PTPRD: variants seen among roughly 807,000 people sequenced by gnomAD.
The protein encoded by PTPRD is receptor-type tyrosine-protein phosphatase delta.
PTPRD carries 34 observed loss-of-function variants against 214.5 expected under a neutral mutation model. The observed-to-expected ratio is 0.16, with a 90% CI of 0.12 to 0.21. The LOEUF (loss-of-function observed/expected upper bound fraction) is 0.21, where lower values mean the gene tolerates loss of function less well. PTPRD is among the 10% of genes least tolerant of loss of function. The probability of loss-of-function intolerance (pLI) is 1.00; values close to 1 mark genes in which losing one functional copy is unlikely to be tolerated. For synonymous variants in PTPRD, 1,128 were observed against 845.7 expected (o/e 1.33, Z -5.79); for missense variants, 2,545 against 2,398.7 (o/e 1.06, Z -1.27).
chr9:9,965,878 C>T (rs1280187542), intron 4 of PTPRD, among the ~76,000 whole-genome samples: 1 of 152,200 alleles, frequency 6.6e-6, no homozygotes, highest in Non-Finnish European at 1.5e-5. Context: ...TTTGTTTATG[C>T]ATATTAGCAT....
At chr9:8,674,011 C>T (rs2097346398) in intron 12 of PTPRD, among the ~76,000 whole-genome samples, 2 of 152,100 alleles carry the variant, frequency 1.3e-5, no homozygotes, top group Admixed American at 1.3e-4. Flanking sequence ...CAGGTGGAGA[C>T]CCACTGCAAT....
At chr9:9,662,839 T>A (rs1367263867) in intron 7 of PTPRD, among the ~76,000 whole-genome samples, 1 of 151,576 alleles carries the variant, frequency 6.6e-6, no homozygotes, top group Non-Finnish European at 1.5e-5. Context: ...TATTCTGCCT[T>A]GTTTTATTGC....
chr9:9,493,216 T>C (rs533599410), intron 8 of PTPRD, among the ~76,000 whole-genome samples: 1 of 152,202 alleles, frequency 6.6e-6, no homozygotes, highest in East Asian at 1.9e-4. Flanking sequence ...CTTAAGGTAC[T>C]CTGCCTGTGC....
intron 2 of PTPRD, among the ~76,000 whole-genome samples, chr9:10,500,729 T>TC (rs1205404937): frequency 6.6e-5 from 10 of 151,710 alleles, no homozygotes; most frequent in African/African-American, 2.4e-4. Flanking sequence ...CTTGTAACAA[T>TC]CCTACTCTCT....
rs548702032 is a variant in PTPRD at position 9,735,541 on chromosome 9, A to T, written c.-325-970T>A. ...ATCTTACTGTCAGAAAATTTAAATT[A>T]GGTTATTTCTGTTGGGCCAGAATAA... On this transcript the variant is annotated intron_variant, in intron 6 of 45. Coordinates refer to ENST00000381196, the MANE Select transcript of PTPRD (RefSeq NM_002839.4). 2.6e-4 allele frequency among the ~76,000 whole-genome samples: 40 copies of T among 152,194 alleles called. 1 individual carries two copies. The East Asian group carries it at 7.7e-3, about 29-fold the overall frequency.
chr9:10,208,822 A>ATTCT (rs1430691086), intron 3 of PTPRD, among the ~76,000 whole-genome samples: 2 of 152,122 alleles, frequency 1.3e-5, no homozygotes, highest in Non-Finnish European at 2.9e-5. Context: ...ATGCTTATTA[A>ATTCT]TTAAGTGTGG....
intron 9 of PTPRD, among the ~76,000 whole-genome samples, chr9:9,278,077 G>A (rs531581096): frequency 1.3e-5 from 2 of 151,272 alleles, no homozygotes; most frequent in East Asian, 2.0e-4. Flanking sequence ...TGCTATTAAA[G>A]GTGGTTGTAT....
At chr9:10,251,201 C>G (rs372887024) in intron 3 of PTPRD, among the ~76,000 whole-genome samples, 41 of 151,944 alleles carry the variant, frequency 2.7e-4, no homozygotes, top group African/African-American at 8.5e-4. Flanking sequence ...TTTGGACAAC[C>G]CTTATGTGAC....
chr9:9,041,983 G>T (rs760893936), intron 10 of PTPRD, among the ~76,000 whole-genome samples: 23 of 152,182 alleles, frequency 1.5e-4, no homozygotes, highest in Non-Finnish European at 2.8e-4. Context: ...TCTTAGAAGG[G>T]TGATGATGTG....
chr9:8,948,458 T>C (rs1158582252), intron 11 of PTPRD, among the ~76,000 whole-genome samples: 1 of 13,808 alleles, frequency 7.2e-5, no homozygotes. Context: ...TATATTTATA[T>C]ATATATTTAC....
At chr9:9,992,811 GA>G (rs1423415455) in intron 4 of PTPRD, among the ~76,000 whole-genome samples, 1 of 151,874 alleles carries the variant, frequency 6.6e-6, no homozygotes. Context: ...GGGATGGGGA[GA>G]GGGGGGAGGG....
intron 4 of PTPRD, among the ~76,000 whole-genome samples, chr9:9,989,936 G>C (rs1322347004): frequency 6.6e-6 from 1 of 152,186 alleles, no homozygotes; most frequent in African/African-American, 2.4e-5. Flanking sequence ...TGTGGGCTGA[G>C]AAAGCAAGCC....
rs562651877 is a variant in PTPRD, at chr9:9,691,081, A to G, written c.-287+43452T>C. Among the ~76,000 whole-genome samples the G allele has an allele frequency of 1.1e-4, 17 of 152,064 alleles. No individual in the cohort carries two copies. In the South Asian group the frequency reaches 3.3e-3, roughly 30 times the overall value. On this transcript the variant is annotated intron_variant, in intron 7 of 45. Coordinates refer to ENST00000381196, the MANE Select transcript of PTPRD (RefSeq NM_002839.4). ...CGAGATATTTTGGTACAGGCATGCA[A>G]TGCATAATAATAACATCATGGAAAA...
At chr9:10,475,553 G>C (rs2072427535) in intron 2 of PTPRD, among the ~76,000 whole-genome samples, 1 of 151,690 alleles carries the variant, frequency 6.6e-6, no homozygotes, top group Non-Finnish European at 1.5e-5. Context: ...TCTACCACAG[G>C]TACAAAGAGG....
chr9:10,342,358 C>T (rs1055792224), intron 2 of PTPRD, among the ~76,000 whole-genome samples: 1 of 151,986 alleles, frequency 6.6e-6, no homozygotes, highest in South Asian at 2.1e-4. Context: ...ACTCTAATAG[C>T]TCTAAAAACT....
intron 3 of PTPRD, among the ~76,000 whole-genome samples, chr9:10,068,000 C>G (rs1484361614): frequency 2.0e-5 from 3 of 151,886 alleles, no homozygotes; most frequent in Non-Finnish European, 4.4e-5. Flanking sequence ...CACTGAATCA[C>G]AATTTAAACT....
chr9:9,450,617 A>T (rs1278736317), intron 8 of PTPRD, among the ~76,000 whole-genome samples: 1 of 151,942 alleles, frequency 6.6e-6, no homozygotes, highest in Non-Finnish European at 1.5e-5. Flanking sequence ...GATTCAGTAA[A>T]TATAGCATGC....
At chr9:9,821,135 C>A (rs1258460577) in intron 5 of PTPRD, among the ~76,000 whole-genome samples, 2 of 151,874 alleles carry the variant, frequency 1.3e-5, no homozygotes, top group Non-Finnish European at 2.9e-5. Context: ...TTTGTGTCAT[C>A]TATGTTTTCT....
chr9:9,034,852 T>A (rs1200219628), intron 10 of PTPRD, among the ~76,000 whole-genome samples: 1 of 152,078 alleles, frequency 6.6e-6, no homozygotes, highest in African/African-American at 2.4e-5. Context: ...TGCTACTTAT[T>A]AATAGTAGAA....
Sources: allele counts gnomAD v4.1 joint callset (sites outside exome capture counted in the v4.1 genomes callset), GRCh38; gene constraint gnomAD v4.1.1; transcripts MANE v1.5; gene names NCBI Gene and HGNC (gene_info 2026-07-23, HGNC 2026-07-21).